Variants in SMYD3 observed in about 807,000 individuals in gnomAD.
SMYD3 encodes SET and MYND domain containing 3, also known as histone-lysine N-methyltransferase SMYD3.
In SMYD3, 36 loss-of-function variants were observed where a neutral mutation model predicts 57.7. That is an observed-to-expected ratio of 0.62 (90% CI 0.48 to 0.82). The LOEUF is 0.82. SMYD3 is among the 40% of genes least tolerant of loss of function. SMYD3 has a pLI of 0.00. For synonymous variants in SMYD3, 211 were observed against 195.0 expected, an observed-to-expected ratio of 1.08 and a Z score of -0.68; for missense variants, 515 against 538.8, an observed-to-expected ratio of 0.96 and a Z score of 0.44.
Position 246,469,291 on chromosome 1 carries a change from C to T in SMYD3, c.164+37763G>A, listed in dbSNP as rs370085509. Among the ~76,000 whole-genome samples the T allele has an allele frequency of 5.3e-5, 8 of 152,314 alleles. No individual in the cohort carries two copies. The South Asian group carries it at 1.7e-3, about 32-fold the overall frequency. ...GGTCTTCTTCCATTCCACAATTCCC[C>T]TTGGCCGAAAAAGGCCCAAACTTAT... On this transcript the variant is annotated intron_variant, in intron 1 of 11. Coordinates refer to ENST00000490107, the MANE Select transcript of SMYD3 (RefSeq NM_001167740.2).
At chr1:245,756,850 CTT>C (rs1427207334) in intron 11 of SMYD3, among the ~76,000 whole-genome samples, 1 of 148,814 alleles carries the variant, frequency 6.7e-6, no homozygotes, top group Non-Finnish European at 1.5e-5. Flanking sequence ...GATCCACAGT[CTT>C]GGTGTGAACT....
intron 8 of SMYD3, among the ~76,000 whole-genome samples, chr1:245,908,808 C>A (rs1258150339): frequency 1.3e-5 from 2 of 151,984 alleles, no homozygotes; most frequent in Non-Finnish European, 2.9e-5. Flanking sequence ...TGGGTTACAG[C>A]AAAAGTAGTG....
At chr1:245,750,241 A>G (rs1558297692) in intron 11 of SMYD3, among the ~76,000 whole-genome samples, 1 of 152,202 alleles carries the variant, frequency 6.6e-6, no homozygotes, top group Non-Finnish European at 1.5e-5. Context: ...ATAATAGAGT[A>G]TAATAGAAGT....
At chr1:245,879,189 T>G (rs532725857) in intron 8 of SMYD3, among the ~76,000 whole-genome samples, 10 of 152,344 alleles carry the variant, frequency 6.6e-5, no homozygotes, top group African/African-American at 2.4e-4. Context: ...CTTTATGCAT[T>G]TCTAGTCTGT....
intron 1 of SMYD3, among the ~76,000 whole-genome samples, chr1:246,487,284 T>C (rs2068203136): frequency 6.6e-6 from 1 of 151,934 alleles, no homozygotes. Context: ...CCATCTCTAC[T>C]TAAAATACAA....
At chr1:246,470,411 G>A (rs754312460) in intron 1 of SMYD3, among the ~76,000 whole-genome samples, 2 of 151,448 alleles carry the variant, frequency 1.3e-5, no homozygotes, top group Non-Finnish European at 2.9e-5. Flanking sequence ...CAGGAGAATC[G>A]CTTGAACGTG....
chr1:246,118,730 A>ATTT (rs34976717), intron 5 of SMYD3, among the ~76,000 whole-genome samples: 20 of 150,294 alleles, frequency 1.3e-4, no homozygotes, highest in African/African-American at 4.9e-4. Context: ...GAGACTCCCA[A>ATTT]TTTTTTTTTA....
chr1:246,248,631 C>CTTGTTGTTTT (rs1309872022), intron 5 of SMYD3, among the ~76,000 whole-genome samples: 2 of 119,270 alleles, frequency 1.7e-5, no homozygotes, highest in African/African-American at 6.8e-5. Flanking sequence ...AGCTCTCTGA[C>CTTGTTGTTTT]TTTCCTTTTT....
intron 5 of SMYD3, among the ~76,000 whole-genome samples, chr1:246,220,678 C>G (rs1558325601): frequency 1.3e-5 from 2 of 152,164 alleles, no homozygotes; most frequent in East Asian, 3.9e-4. Context: ...CCAGTGAGGC[C>G]CCATTGTCAA....
chr1:246,019,545 T>C (rs765795148), intron 5 of SMYD3, among the ~76,000 whole-genome samples: 51 of 152,346 alleles, frequency 3.3e-4, no homozygotes, highest in Middle Eastern at 3.4e-3. Context: ...AAAAAAACCC[T>C]ATCTTTGTTA....
rs1201643229 is a variant in SMYD3, at chr1:246,471,617, T to TA, written c.164+35436dup. ...AAATTAATGTGATATAAAGCATAGA[T>TA]AAACATTTTATGAGAGGATTAAAAC... On this transcript the variant is annotated intron_variant, in intron 1 of 11. Transcript: ENST00000490107. 2.0e-5 allele frequency among the ~76,000 whole-genome samples: 3 copies of TA among 152,352 alleles called. No individual in the cohort carries two copies. The East Asian group carries it at 5.8e-4, about 29-fold the overall frequency.
At chr1:246,472,082 CA>C (rs35584130) in intron 1 of SMYD3, among the ~76,000 whole-genome samples, 148,393 of 151,812 alleles carry the variant, frequency 0.98, 72,565 homozygotes, top group Non-Finnish European at 0.99. Context: ...TGAAAAAAAA[CA>C]AAAAAAAGGA....
chr1:246,302,382 C>T, intron 5 of SMYD3, among the ~76,000 whole-genome samples: 1 of 152,052 alleles, frequency 6.6e-6, no homozygotes, highest in South Asian at 2.1e-4. Context: ...TCCTTTTGTG[C>T]TTCATTCAAT....
intron 5 of SMYD3, among the ~76,000 whole-genome samples, chr1:246,015,494 C>A (rs891577713): frequency 1.3e-5 from 2 of 152,198 alleles, no homozygotes; most frequent in Non-Finnish European, 2.9e-5. Context: ...TCAGGGGCTA[C>A]AAAGTACATT....
At chr1:246,174,302 C>T (rs1267923507) in intron 5 of SMYD3, among the ~76,000 whole-genome samples, 1 of 152,124 alleles carries the variant, frequency 6.6e-6, no homozygotes, top group Non-Finnish European at 1.5e-5. Context: ...ACCACAAACA[C>T]GAGTAATGTG....
At chr1:246,131,585 T>C (rs1337015823) in intron 5 of SMYD3, among the ~76,000 whole-genome samples, 1 of 152,222 alleles carries the variant, frequency 6.6e-6, no homozygotes, top group East Asian at 1.9e-4. Context: ...CCCAACACTG[T>C]GCGGGGCACA....
chr1:246,051,898 TA>T (rs199878116), intron 5 of SMYD3, among the ~76,000 whole-genome samples: 2,018 of 152,304 alleles, frequency 0.013, 44 homozygotes, highest in African/African-American at 0.047. Context: ...AATGACCAAC[TA>T]AATCAGATAG....
chr1:246,079,844 T>C (rs1441555177), intron 5 of SMYD3, among the ~76,000 whole-genome samples: 4 of 152,160 alleles, frequency 2.6e-5, no homozygotes, highest in Non-Finnish European at 5.9e-5. Flanking sequence ...ATCATAAATG[T>C]TGGTATTAAT....
intron 10 of SMYD3, among the ~76,000 whole-genome samples, chr1:245,826,147 T>C (rs1347196312): frequency 1.3e-5 from 2 of 151,758 alleles, no homozygotes; most frequent in African/African-American, 4.8e-5. Flanking sequence ...ATAACAGTCA[T>C]CCAGAACTTT....
Sources: gnomAD v4.1 joint callset for allele counts (sites outside exome capture counted in the v4.1 genomes callset) on GRCh38, gnomAD v4.1.1 for gene constraint, MANE v1.5 for transcripts, NCBI Gene and HGNC (gene_info 2026-07-23, HGNC 2026-07-21) for gene names.